PCNA: variants seen among roughly 807,000 people sequenced by gnomAD.
PCNA encodes the protein DNA sliding clamp PCNA.
Under a neutral mutation model 27.8 loss-of-function variants are expected in PCNA, and 4 were observed. The observed-to-expected ratio is 0.14, with a 90% CI of 0.07 to 0.33. PCNA has a LOEUF of 0.33. Ranked by LOEUF, PCNA falls within the 10% of genes least tolerant of loss-of-function variation. The pLI is 1.00. For synonymous variants in PCNA, 121 were observed against 119.4 expected, an observed-to-expected ratio of 1.01 and a Z score of -0.09; for missense variants, 165 against 327.4, an observed-to-expected ratio of 0.50 and a Z score of 3.83.
At chr20:5,124,640 C>A (rs950214388), upstream of PCNA, among the ~76,000 whole-genome samples, 9 of 149,120 alleles carry the variant, frequency 6.0e-5, no homozygotes, top group Middle Eastern at 3.4e-3. Flanking sequence ...AAAAAAAAAA[C>A]AAAAAACAAA....
chr20:5,116,500 A>G (rs1416956659), intron 4 of PCNA, among the ~76,000 whole-genome samples: 1 of 152,214 alleles, frequency 6.6e-6, no homozygotes, highest in Non-Finnish European at 1.5e-5. Context: ...AAGGGACAAG[A>G]GAGCAATATA....
In PCNA at chr20:5,119,755, A is replaced by G. The variant is rs1355569334; in HGVS notation, c.44T>C (p.Val15Ala). 1.3e-6 allele frequency: 2 copies of G among 1,585,060 alleles called. No homozygotes were observed. The highest frequency in any genetic ancestry group is 8.6e-7 in the Non-Finnish European group (1 of 1,165,712). Residue 15 changes from valine (V) to alanine (A), a missense_variant, in exon 1 of 6, where the codon GTG becomes GCG. By Grantham distance (64) the Val-to-Ala change is moderately conservative (BLOSUM62 0). Coordinates refer to ENST00000379143, the MANE Select transcript of PCNA (RefSeq NM_182649.2). Reference sequence around the variant, plus strand: ...GATGAGGTCCTTGAGTGCCTCCAACACCTTCTTGAGGATGGAGCCCTGGAC... The same window carrying G: ...GATGAGGTCCTTGAGTGCCTCCAACGCCTTCTTGAGGATGGAGCCCTGGAC... ...RLVQGSILKK[V>A]LEALKDLINE...
chr20:5,115,082 CTAG>C lies in PCNA; in HGVS notation c.*198_*200del. 2.1e-6 allele frequency: 1 copy of C among 480,408 alleles called. No individual in the cohort carries two copies. The allele number at this position is 480,408 out of a possible 1,614,324, so 29.8% of individuals were successfully genotyped here. On this transcript the variant is annotated 3_prime_UTR_variant, in exon 6 of 6. Coordinates refer to ENST00000379143, the MANE Select transcript of PCNA (RefSeq NM_182649.2). ...AGAGACAAAAATACTTCTAGGTTAA[CTAG>C]ACCAGATCTGACTTTGGACTTTATT...
chr20:5,122,580 A>C (rs1218138477), upstream of PCNA, among the ~76,000 whole-genome samples: 1 of 152,144 alleles, frequency 6.6e-6, no homozygotes, highest in Non-Finnish European at 1.5e-5. Context: ...GTGATGGACT[A>C]CCCATTTGCA....
At position 5,117,489 on chromosome 20, in the gene PCNA, A is replaced by G. The variant is rs1369087452; in HGVS notation, c.563T>C (p.Val188Ala). 2 of 1,612,148 alleles carry G rather than the reference A, an allele frequency of 1.2e-6. No individual in the cohort carries two copies. Among genetic ancestry groups the G allele is most frequent in the Admixed American group, 1.7e-5 (1 of 59,652 alleles). ...ACTTACAGCTTCCTCCTCTTTATCG[A>G]CATTACTTGTCTGTGACAATTTAAT... ...GNIKLSQTSN[V>A]DKEEEAVTIE... The change falls in exon 4 of 6, where the codon GTC (valine) becomes GCC (alanine). Residue 188 changes from valine (V) to alanine (A), a missense_variant. Physicochemically the swap from Val to Ala is moderately conservative, Grantham distance 64. Coordinates refer to ENST00000379143, the MANE Select transcript of PCNA (RefSeq NM_182649.2).
upstream of PCNA, among the ~76,000 whole-genome samples, chr20:5,120,208 C>G (rs771591355): frequency 5.9e-5 from 9 of 152,238 alleles, no homozygotes; most frequent in Admixed American, 2.0e-4. Context: ...GATCGGGTCC[C>G]GGTCCCGGCT....
At position 5,115,248 on chromosome 20, in the gene PCNA, G is replaced by T; in HGVS notation, c.*35C>A. The T allele has an allele frequency of 6.5e-7, 1 of 1,530,968 alleles. No individual in the cohort carries two copies. The highest frequency in any genetic ancestry group is 1.1e-5 in the South Asian group (1 of 88,848). 94.8% of individuals were successfully genotyped at this position (1,530,968 alleles called of 1,614,324 possible). A position where few individuals can be genotyped will look rare whatever the true frequency, so the allele number is the denominator to read the frequency against. On this transcript the variant is annotated 3_prime_UTR_variant, in exon 6 of 6. Coordinates refer to ENST00000379143, the MANE Select transcript of PCNA (RefSeq NM_182649.2). ...TGGCATCTTAGAAGCAGTTCTCAAA[G>T]AGCTTAGTTTTATTTTCTTGAATTT...
At chr20:5,123,459 C>T (rs1816740419), upstream of PCNA, among the ~76,000 whole-genome samples, 1 of 152,106 alleles carries the variant, frequency 6.6e-6, no homozygotes, top group Admixed American at 6.5e-5. Flanking sequence ...CTTTGGGAGG[C>T]TGAGGTAGGT....
rs760578899 is a variant in PCNA, at chr20:5,118,861, G to A, written c.227C>T (p.Ser76Phe). The change falls in exon 2 of 6, where the codon TCC becomes TTC. Residue 76 changes from serine to phenylalanine, a missense_variant. Coordinates refer to ENST00000379143, the MANE Select transcript of PCNA (RefSeq NM_182649.2). ...LAMGVNLTSM[S>F]KILKCAGNED... ...ATTGCCGGCGCATTTTAGTATTTTGGACATACTAGAAGACAGGAGACACAT... is the reference window on the plus strand; with the variant it reads ...ATTGCCGGCGCATTTTAGTATTTTGAACATACTAGAAGACAGGAGACACAT... The A allele has an allele frequency of 1.2e-6, 2 of 1,606,816 alleles. No homozygotes were observed. The highest frequency in any genetic ancestry group is 1.7e-6 in the Non-Finnish European group (2 of 1,173,626).
exon 1 of PCNA, chr20:5,126,547 C>G (rs1403788159): frequency 6.6e-6 from 1 of 152,296 alleles, no homozygotes; most frequent in African/African-American, 2.4e-5. Flanking sequence ...ATTTGTCAGG[C>G]TAGAGCCTCC....
intron 2 of PCNA, 26 bp from the exon 3 acceptor site, chr20:5,118,703 G>C (rs1482866514): frequency 1.2e-6 from 2 of 1,609,352 alleles, no homozygotes; most frequent in South Asian, 2.2e-5. Flanking sequence ...AGATGCTTTT[G>C]AGAAATACTG....
chr20:5,118,827 G>A lies in PCNA; in HGVS notation c.261C>T (p.Ile87=), dbSNP rs142530566. ...KILKCAGNED[I]ITLRAEDNAD... Reference sequence around the variant, plus strand: ...CGTTATCTTCGGCCCTTAGTGTAATGATATCTTCATTGCCGGCGCATTTTA... The same window carrying A: ...CGTTATCTTCGGCCCTTAGTGTAATAATATCTTCATTGCCGGCGCATTTTA... The change falls in exon 2 of 6, where the codon ATC becomes ATT. Residue 87 remains isoleucine, a synonymous_variant. Transcript: ENST00000379143. The A allele has an allele frequency of 1.9e-6, 3 of 1,613,814 alleles. No homozygotes were observed. Among genetic ancestry groups the A allele is most frequent in the South Asian group, 1.1e-5 (1 of 91,076 alleles).
intron 4 of PCNA, among the ~76,000 whole-genome samples, chr20:5,116,614 C>T (rs1177110560): frequency 6.6e-6 from 1 of 152,122 alleles, no homozygotes; most frequent in African/African-American, 2.4e-5. Flanking sequence ...GGACCTTTGT[C>T]CTTGATTTAC....
chr20:5,117,497 T>C lies in PCNA; in HGVS notation c.555A>G (p.Thr185=). 1 of 1,613,502 alleles carries C rather than the reference T, an allele frequency of 6.2e-7. No homozygotes were observed. Among genetic ancestry groups the C allele is most frequent in the South Asian group, 1.1e-5 (1 of 90,886 alleles). The change falls in exon 4 of 6, where the codon ACA becomes ACG. Residue 185 remains threonine (T), a synonymous_variant. Transcript: ENST00000379143. ...CTTCCTCCTCTTTATCGACATTACTTGTCTGTGACAATTTAATGTTTCCAT... is the reference window on the plus strand; with the variant it reads ...CTTCCTCCTCTTTATCGACATTACTCGTCTGTGACAATTTAATGTTTCCAT... ...LGNGNIKLSQ[T]SNVDKEEEAV...
In PCNA at chr20:5,117,652, T is replaced by A; in HGVS notation, c.400A>T (p.Ser134Cys). The change falls in exon 4 of 6, where the codon AGC (serine) becomes TGC (cysteine). Residue 134 changes from serine (S) to cysteine (C), a missense_variant. Coordinates refer to ENST00000379143, the MANE Select transcript of PCNA (RefSeq NM_182649.2). ...CCAGAAGGCATCTTTACTACACAGC[T>A]GTACTCCTGTTCCTATTAAGAACAA... The part of the protein sequence containing the change: ...EQLGIPEQEY[S>C]CVVKMPSGEF... The A allele has an allele frequency of 6.2e-7, 1 of 1,604,852 alleles. No individual in the cohort carries two copies. Among genetic ancestry groups the A allele is most frequent in the Non-Finnish European group, 8.5e-7 (1 of 1,176,278 alleles).
chr20:5,119,555 C>G (rs754119778), intron 1 of PCNA, 23 bp downstream of exon 1: 2 of 1,595,916 alleles, frequency 1.3e-6, no homozygotes, highest in African/African-American at 2.7e-5. Flanking sequence ...CCGGGGCCGG[C>G]TTCCCGGGGC....
In PCNA at chr20:5,119,592, G is replaced by A. The variant is rs1203405072; in HGVS notation, c.207C>T (p.Gly69=). The change falls in exon 1 of 6, where the codon GGC becomes GGT. Residue 69 remains glycine (G), a synonymous_variant. Transcript: ENST00000379143. Reference sequence around the variant, plus strand: ...GCGAGGCTCACCTGGTGAGGTTCACGCCCATGGCCAGGTTGCGGTCGCAGC... The same window carrying A: ...GCGAGGCTCACCTGGTGAGGTTCACACCCATGGCCAGGTTGCGGTCGCAGC... ...TYRCDRNLAM[G]VNLTSMSKIL... 1 of 1,612,438 alleles carries A rather than the reference G, an allele frequency of 6.2e-7. No individual in the cohort carries two copies. Among genetic ancestry groups the A allele is most frequent in the Non-Finnish European group, 8.5e-7 (1 of 1,179,678 alleles).
chr20:5,120,868 G>A (rs553401440), upstream of PCNA, among the ~76,000 whole-genome samples: 3 of 152,132 alleles, frequency 2.0e-5, no homozygotes, highest in South Asian at 2.1e-4. Context: ...GTACAGTGGC[G>A]CGATCTCAGC....
chr20:5,117,317 C>T lies in PCNA; in HGVS notation c.582+153G>A, dbSNP rs1222740517. Among the ~76,000 whole-genome samples the T allele has an allele frequency of 2.6e-5, 4 of 152,332 alleles. No individual in the cohort carries two copies. The East Asian group carries it at 7.7e-4, about 29-fold the overall frequency. On this transcript the variant is annotated intron_variant, in intron 4 of 5. Coordinates refer to ENST00000379143, the MANE Select transcript of PCNA (RefSeq NM_182649.2). ...GCAAATATAATTCTAAATTGGATGA[C>T]ACTTATAAATCATTCGCAGATTTCA...
Sources: allele counts gnomAD v4.1 joint callset (sites outside exome capture counted in the v4.1 genomes callset), GRCh38; gene constraint gnomAD v4.1.1; transcripts MANE v1.5; gene names NCBI Gene and HGNC (gene_info 2026-07-23, HGNC 2026-07-21).